The following CACNA2D3 variants were observed in gnomAD, a reference collection of about 807,000 sequenced individuals.
CACNA2D3 encodes voltage-dependent calcium channel subunit alpha-2/delta-3.
A neutral mutation model predicts 160.6 loss-of-function variants in CACNA2D3; 60 were observed. The observed-to-expected ratio is 0.37, with a 90% CI of 0.30 to 0.46. The LOEUF is 0.46. CACNA2D3 is among the 20% of genes least tolerant of loss of function. The pLI, the probability that CACNA2D3 is intolerant of heterozygous loss-of-function variation, is 1.00. For missense variants in CACNA2D3, 1,205 were observed against 1,365.0 expected (o/e 0.88, Z 1.85); for synonymous variants, 558 against 492.9 (o/e 1.13, Z -1.75).
At chr3:55,020,304 A>G (rs1186259274) in intron 35 of CACNA2D3, among the ~76,000 whole-genome samples, 1 of 150,236 alleles carries the variant, frequency 6.7e-6, no homozygotes, top group East Asian at 1.9e-4. Flanking sequence ...TTTTATATGT[A>G]TAATATATGT....
intron 2 of CACNA2D3, among the ~76,000 whole-genome samples, chr3:54,188,282 G>A (rs551992900): frequency 6.6e-6 from 1 of 151,430 alleles, no homozygotes; most frequent in South Asian, 2.1e-4. Flanking sequence ...AAAACCAGTA[G>A]CAGGAGAGGC....
At chr3:54,453,536 A>G (rs1278194024) in intron 4 of CACNA2D3, among the ~76,000 whole-genome samples, 1 of 152,186 alleles carries the variant, frequency 6.6e-6, no homozygotes, top group African/African-American at 2.4e-5. Context: ...TGCCATTAAC[A>G]GAAACACAGC....
At chr3:54,933,514 C>T (rs1014534811) in intron 27 of CACNA2D3, among the ~76,000 whole-genome samples, 2 of 152,138 alleles carry the variant, frequency 1.3e-5, no homozygotes, top group African/African-American at 2.4e-5. Flanking sequence ...ATCACATGAC[C>T]ATGTCTAACA....
At chr3:54,123,050 G>C (rs1699507698) in intron 1 of CACNA2D3, among the ~76,000 whole-genome samples, 1 of 152,186 alleles carries the variant, frequency 6.6e-6, no homozygotes, top group Non-Finnish European at 1.5e-5. Context: ...GATCTGGAGA[G>C]GCTCACCTCA....
intron 13 of CACNA2D3, among the ~76,000 whole-genome samples, chr3:54,805,811 C>T (rs1703107174): frequency 6.6e-6 from 1 of 152,202 alleles, no homozygotes; most frequent in South Asian, 2.1e-4. Context: ...CAATCAAATA[C>T]TGGCAAACTG....
chr3:55,009,288 T>G, intron 33 of CACNA2D3, 100 bp from the exon 34 acceptor site: 1 of 1,009,220 alleles, frequency 9.9e-7, no homozygotes, highest in Non-Finnish European at 1.6e-6. Context: ...TGTGATGTTC[T>G]CAAATGAGGT....
chr3:54,424,407 G>C (rs1699883297), intron 4 of CACNA2D3, among the ~76,000 whole-genome samples: 1 of 152,180 alleles, frequency 6.6e-6, no homozygotes, highest in Admixed American at 6.5e-5. Flanking sequence ...GTTTTTCAAA[G>C]GAGGCCACAG....
intron 9 of CACNA2D3, among the ~76,000 whole-genome samples, chr3:54,598,732 A>G (rs1037136724): frequency 2.0e-5 from 3 of 152,202 alleles, no homozygotes; most frequent in Non-Finnish European, 4.4e-5. Flanking sequence ...TGATTTCACA[A>G]ATATTTAGCT....
intron 2 of CACNA2D3, among the ~76,000 whole-genome samples, chr3:54,304,194 A>G (rs762062692): frequency 3.1e-4 from 47 of 152,158 alleles, no homozygotes; most frequent in Admixed American, 7.2e-4. Flanking sequence ...GTCTGCAGAC[A>G]CTGCCAAGAG....
chr3:54,804,211 A>G (rs1703060475), intron 13 of CACNA2D3, among the ~76,000 whole-genome samples: 1 of 152,004 alleles, frequency 6.6e-6, no homozygotes, highest in Non-Finnish European at 1.5e-5. Flanking sequence ...AACAATATTA[A>G]CTTTAAATGT....
chr3:54,826,975 T>A (rs931422924), intron 14 of CACNA2D3, among the ~76,000 whole-genome samples: 2 of 152,228 alleles, frequency 1.3e-5, no homozygotes, highest in African/African-American at 4.8e-5. Context: ...GCACTTTATG[T>A]CTATAATTCA....
chr3:54,180,249 C>T (rs993534146), intron 2 of CACNA2D3, among the ~76,000 whole-genome samples: 3 of 152,020 alleles, frequency 2.0e-5, no homozygotes, highest in African/African-American at 4.8e-5. Flanking sequence ...GACTGGGGTA[C>T]GTGAGGCTTT....
chr3:54,773,158 C>T (rs968724376), intron 13 of CACNA2D3, among the ~76,000 whole-genome samples: 2 of 152,192 alleles, frequency 1.3e-5, no homozygotes, highest in Non-Finnish European at 2.9e-5. Context: ...CCACTAAGTC[C>T]AACTTGGAGA....
intron 2 of CACNA2D3, among the ~76,000 whole-genome samples, chr3:54,260,057 G>T (rs1044401085): frequency 6.6e-6 from 1 of 152,204 alleles, no homozygotes; most frequent in African/African-American, 2.4e-5. Context: ...GTTTATAGAC[G>T]TGGAGTCAGC....
chr3:54,165,250 T>C (rs1362169565), intron 2 of CACNA2D3, among the ~76,000 whole-genome samples: 3 of 151,134 alleles, frequency 2.0e-5, no homozygotes, highest in Admixed American at 6.6e-5. Flanking sequence ...TCCCCACCCA[T>C]TGTTACAACC....
intron 2 of CACNA2D3, among the ~76,000 whole-genome samples, chr3:54,144,900 G>T (rs954919918): frequency 6.6e-6 from 1 of 152,174 alleles, no homozygotes; most frequent in Non-Finnish European, 1.5e-5. Flanking sequence ...ATAGGAATTC[G>T]ATTCATTTAA....
intron 4 of CACNA2D3, among the ~76,000 whole-genome samples, chr3:54,459,979 G>A (rs993002268): frequency 1.3e-5 from 2 of 152,124 alleles, no homozygotes; most frequent in African/African-American, 4.8e-5. Context: ...TCCAGTTTCA[G>A]CTTTCTCCAT....
chr3:54,889,667 C>T (rs564228595), intron 24 of CACNA2D3, among the ~76,000 whole-genome samples: 6 of 152,276 alleles, frequency 3.9e-5, no homozygotes, highest in African/African-American at 1.4e-4. Context: ...ATGGAGATGT[C>T]AGGTAGGCTG....
chr3:54,957,822 CA>C (rs1188618673), intron 27 of CACNA2D3, among the ~76,000 whole-genome samples: 5 of 152,166 alleles, frequency 3.3e-5, no homozygotes, highest in African/African-American at 1.2e-4. Flanking sequence ...CCCCCAGACA[CA>C]AACCATGCAT....
Sources: gnomAD v4.1 joint callset for allele counts (sites outside exome capture counted in the v4.1 genomes callset) on GRCh38, gnomAD v4.1.1 for gene constraint, MANE v1.5 for transcripts, NCBI Gene and HGNC (gene_info 2026-07-23, HGNC 2026-07-21) for gene names.